The following DRD3 variants were observed in gnomAD, a reference collection of about 807,000 sequenced individuals.
DRD3 encodes dopamine receptor D3.
Under a neutral mutation model 36.3 loss-of-function variants are expected in DRD3, and 19 were observed. The observed-to-expected ratio is 0.52, with a 90% CI of 0.36 to 0.77. DRD3 has a LOEUF of 0.77. Ranked by LOEUF, DRD3 falls within the 30% of genes least tolerant of loss-of-function variation. The probability of loss-of-function intolerance (pLI) is 0.00; values close to 1 mark genes in which losing one functional copy is unlikely to be tolerated. For synonymous variants in DRD3, 195 were observed against 203.7 expected, an observed-to-expected ratio of 0.96 and a Z score of 0.36; for missense variants, 465 against 505.3, an observed-to-expected ratio of 0.92 and a Z score of 0.77.
At chr3:114,146,709 A>AAAAAAG (rs1553765794) in intron 4 of DRD3, among the ~76,000 whole-genome samples, 12 of 151,032 alleles carry the variant, frequency 7.9e-5, no homozygotes, top group Non-Finnish European at 1.6e-4. Context: ...AAAAAAAAAA[A>AAAAAAG]AAAAAGAAAA....
chr3:114,177,754 A>T (rs541548144), intron 1 of DRD3, among the ~76,000 whole-genome samples: 1 of 152,306 alleles, frequency 6.6e-6, no homozygotes, highest in South Asian at 2.1e-4. Context: ...TCAACTACAA[A>T]TAAATGAGTG....
chr3:114,146,741 G>A (rs958392589), intron 4 of DRD3, among the ~76,000 whole-genome samples: 3 of 150,962 alleles, frequency 2.0e-5, no homozygotes, highest in Non-Finnish European at 4.4e-5. Context: ...AAAAATTAGT[G>A]AGGCTAAAAG....
intron 3 of DRD3, among the ~76,000 whole-genome samples, chr3:114,151,114 A>G (rs1468735592): frequency 6.6e-6 from 1 of 152,170 alleles, no homozygotes; most frequent in Non-Finnish European, 1.5e-5. Context: ...TGGTTTATAC[A>G]AGAGCAGGTC....
In DRD3 at chr3:114,171,716, T is replaced by C; in HGVS notation, c.270+7A>G. ...ATAGAGACAACATGCACCTGAAGTC[T>C]ACTCACCTCCAGGTATACCACCCAG... On this transcript the variant is annotated splice_region_variant and intron_variant, in intron 2 of 6. Transcript: ENST00000383673. 6.3e-7 allele frequency: 1 copy of C among 1,586,592 alleles called. No homozygotes were observed. Among genetic ancestry groups the C allele is most frequent in the Non-Finnish European group, 8.6e-7 (1 of 1,165,840 alleles).
rs2077430663 is a variant in DRD3 at position 114,131,494 on chromosome 3, G to A, written c.724-94C>T. 3 of 1,479,274 alleles carry A rather than the reference G, an allele frequency of 2.0e-6. No individual in the cohort carries two copies. In the South Asian group the frequency reaches 4.1e-5, roughly 20 times the overall value. The allele number at this position is 1,479,274 out of a possible 1,614,324, so 91.6% of individuals were successfully genotyped here. ...AGGGCCAGAGAATTCAAAGAAGGAA[G>A]ACGGCAACACAGTTGTGGGAAACCT... is the stretch of plus-strand genomic sequence containing the variant. On this transcript the variant is annotated intron_variant, in intron 5 of 6. Coordinates refer to ENST00000383673, the MANE Select transcript of DRD3 (RefSeq NM_000796.6).
At chr3:114,156,747 C>CTTTCTTTCTTTCTTTCTTTCTT (rs2077674495) in intron 3 of DRD3, among the ~76,000 whole-genome samples, 4 of 82,316 alleles carry the variant, frequency 4.9e-5, no homozygotes, top group African/African-American at 1.9e-4. Context: ...CTTTCTTTTT[C>CTTTCTTTCTTTCTTTCTTTCTT]TTTCTTTCTT....
At position 114,127,973 on chromosome 3, in the gene DRD3, C is replaced by T. The variant is rs2077393723; in HGVS notation, c.*743G>A. Among the ~76,000 whole-genome samples, 1 of 152,180 alleles carries T rather than the reference C, an allele frequency of 6.6e-6. No individual in the cohort carries two copies. The highest frequency in any genetic ancestry group is 2.4e-5 in the African/African-American group (1 of 41,444). ...TGAAACTACAATGGGATGTGTCATT[C>T]CGTCTTCAGAAAATATCCCCATCTT... On this transcript the variant is annotated 3_prime_UTR_variant, in exon 7 of 7. Coordinates refer to ENST00000383673, the MANE Select transcript of DRD3 (RefSeq NM_000796.6).
chr3:114,137,903 C>T (rs1380250509), intron 5 of DRD3, among the ~76,000 whole-genome samples: 1 of 145,918 alleles, frequency 6.9e-6, no homozygotes, highest in African/African-American at 2.5e-5. Flanking sequence ...GAGGCTGAGG[C>T]AGGAGAATGG....
At chr3:114,199,367 A>C (rs1454318559) in exon 1 of DRD3, 2 of 152,414 alleles carry the variant, frequency 1.3e-5, no homozygotes, top group African/African-American at 4.8e-5. Flanking sequence ...GAAGAGCAAG[A>C]AAGGGTGAGA....
At chr3:114,139,772 T>C (rs1241971188) in intron 4 of DRD3, 76 bp from the exon 5 acceptor site, 2 of 1,419,924 alleles carry the variant, frequency 1.4e-6, no homozygotes, top group Non-Finnish European at 2.0e-6. Flanking sequence ...CACGGCTCCA[T>C]GTCACGTGTG....
chr3:114,158,682 A>G lies in DRD3; in HGVS notation c.383+1073T>C, dbSNP rs2077704698. Among the ~76,000 whole-genome samples, 2 of 152,256 alleles carry G rather than the reference A, an allele frequency of 1.3e-5. 1 individual carries two copies. Among genetic ancestry groups the G allele is most frequent in the South Asian group, 4.1e-4 (2 of 4,834 alleles). ...AAAATAACAGTACCTAAGATAATAC[A>G]TAAGATAATAACAGTACCTAAGAAT... is the stretch of plus-strand genomic sequence containing the variant. On this transcript the variant is annotated intron_variant, in intron 3 of 6. Coordinates refer to ENST00000383673, the MANE Select transcript of DRD3 (RefSeq NM_000796.6).
intron 3 of DRD3, among the ~76,000 whole-genome samples, chr3:114,156,420 C>G (rs1375944004): frequency 6.6e-6 from 1 of 152,110 alleles, no homozygotes; most frequent in Non-Finnish European, 1.5e-5. Context: ...ACTCCTTTCT[C>G]TTCCTAATCT....
chr3:114,160,959 C>A (rs1399862419), intron 2 of DRD3, among the ~76,000 whole-genome samples: 1 of 152,180 alleles, frequency 6.6e-6, no homozygotes, highest in Non-Finnish European at 1.5e-5. Flanking sequence ...TATATAATAT[C>A]ATTTATACTC....
intron 3 of DRD3, among the ~76,000 whole-genome samples, chr3:114,151,305 ATAC>A (rs1436208194): frequency 3.2e-4 from 48 of 152,206 alleles, no homozygotes; most frequent in Non-Finnish European, 6.5e-4. Context: ...AGGGGAAGGA[ATAC>A]TGTAACTCAC....
In DRD3 at chr3:114,171,963, G is replaced by A; in HGVS notation, c.30C>T (p.His10=). ...TCTCTGCCCCACAGGTGTAGTTCAG[G>A]TGGCCACTCAGCTGGCTCAGAGATG... MASLSQLSG[H]LNYTCGAENS... is the part of the protein sequence containing the mutation. Residue 10 remains histidine (H), a synonymous_variant, in exon 2 of 7, where the codon CAC becomes CAT. Transcript: ENST00000383673. 6.5e-7 allele frequency: 1 copy of A among 1,533,032 alleles called. No homozygotes were observed. The highest frequency in any genetic ancestry group is 8.8e-7 in the Non-Finnish European group (1 of 1,136,328). The allele number at this position is 1,533,032 out of a possible 1,614,324, so 95.0% of individuals were successfully genotyped here.
In DRD3 at chr3:114,173,596, G is replaced by T. The variant is rs1013946961; in HGVS notation, c.-35-1569C>A. ...ATAGATTCTATGTAGCCTGAGGTTGGGAGAGAAGAGGCCAGGGTCCCTGAA... is the reference window on the plus strand; with the variant it reads ...ATAGATTCTATGTAGCCTGAGGTTGTGAGAGAAGAGGCCAGGGTCCCTGAA... On this transcript the variant is annotated intron_variant, in intron 1 of 6. Coordinates refer to ENST00000383673, the MANE Select transcript of DRD3 (RefSeq NM_000796.6). 4.6e-5 allele frequency among the ~76,000 whole-genome samples: 7 copies of T among 152,320 alleles called. No individual in the cohort carries two copies. In the East Asian group the frequency reaches 1.3e-3, roughly 29 times the overall value.
intron 1 of DRD3, among the ~76,000 whole-genome samples, chr3:114,190,018 C>T (rs1560005926): frequency 6.6e-6 from 1 of 152,218 alleles, no homozygotes; most frequent in Admixed American, 6.5e-5. Flanking sequence ...CACCTGCTGT[C>T]ACAGCAGATG....
At chr3:114,158,255 G>GAA (rs35903033) in intron 3 of DRD3, among the ~76,000 whole-genome samples, 220 of 142,730 alleles carry the variant, frequency 1.5e-3, no homozygotes, top group Middle Eastern at 7.2e-3. Context: ...CTGCAAAAAA[G>GAA]AAAAAAAAAA....
At chr3:114,192,339 T>C (rs2078014883) in intron 1 of DRD3, among the ~76,000 whole-genome samples, 1 of 152,208 alleles carries the variant, frequency 6.6e-6, no homozygotes, top group Admixed American at 6.5e-5. Context: ...TCTGGCTCCC[T>C]GGTTGCTTAT....
Sources: allele counts gnomAD v4.1 joint callset (sites outside exome capture counted in the v4.1 genomes callset), GRCh38; gene constraint gnomAD v4.1.1; transcripts MANE v1.5; gene names NCBI Gene and HGNC (gene_info 2026-07-23, HGNC 2026-07-21).